Variants in TMIGD3 observed in about 807,000 individuals in gnomAD.
The protein encoded by TMIGD3 is transmembrane and immunoglobulin domain containing 3.
In TMIGD3, 21 loss-of-function variants were observed where a neutral mutation model predicts 28.1. That is an observed-to-expected ratio of 0.75 (90% CI 0.53 to 1.08). The LOEUF (loss-of-function observed/expected upper bound fraction) is 1.08, where lower values mean the gene tolerates loss of function less well. Ranked by LOEUF, TMIGD3 falls within the 50% of genes least tolerant of loss-of-function variation. TMIGD3 has a pLI of 0.00. For missense variants in TMIGD3, 416 were observed against 435.6 expected, an observed-to-expected ratio of 0.96 and a Z score of 0.40; for synonymous variants, 151 against 162.1, an observed-to-expected ratio of 0.93 and a Z score of 0.52.
chr1:111,550,238 A>G (rs1271881991), intron 1 of TMIGD3, among the ~76,000 whole-genome samples: 1 of 152,184 alleles, frequency 6.6e-6, no homozygotes, highest in Non-Finnish European at 1.5e-5. Flanking sequence ...CAGCATGGAT[A>G]AAGGATTGCC....
intron 1 of TMIGD3, among the ~76,000 whole-genome samples, chr1:111,532,580 AG>A (rs1306828368): frequency 6.6e-6 from 1 of 152,194 alleles, no homozygotes; most frequent in Non-Finnish European, 1.5e-5. Flanking sequence ...GCTTGAGGCC[AG>A]GAGTTCAAGA....
In TMIGD3 at chr1:111,543,373, G is replaced by A. The variant is rs547826678; in HGVS notation, c.107+20473C>T. The stretch of plus-strand genomic sequence containing the variant: ...TTCCAGGGAGATTCGCTGCCAAAAG[G>A]GAAAAACCATCCTGTCTGGTCTCAC... On this transcript the variant is annotated intron_variant, in intron 1 of 5. Coordinates refer to the TMIGD3 transcript ENST00000369717. Among the ~76,000 whole-genome samples the A allele has an allele frequency of 4.6e-5, 7 of 152,078 alleles. No homozygotes were observed. The East Asian group carries it at 1.4e-3, about 29-fold the overall frequency.
chr1:111,524,738 G>C (rs1656205327), intron 1 of TMIGD3, among the ~76,000 whole-genome samples: 1 of 152,110 alleles, frequency 6.6e-6, no homozygotes, highest in Non-Finnish European at 1.5e-5. Context: ...TCCTGCCTCA[G>C]CCTCTCGAGT....
intron 1 of TMIGD3, among the ~76,000 whole-genome samples, chr1:111,546,560 T>G (rs944313572): frequency 6.6e-6 from 1 of 152,198 alleles, no homozygotes; most frequent in Non-Finnish European, 1.5e-5. Flanking sequence ...CTTAGCATAA[T>G]GTCCTTAAGT....
At chr1:111,542,164 G>A (rs922081976) in intron 1 of TMIGD3, 63 of 424,042 alleles carry the variant, frequency 1.5e-4, no homozygotes, top group African/African-American at 1.2e-3. Flanking sequence ...TTGAGTAGAT[G>A]CCTTGGATAA....
At chr1:111,555,024 G>A (rs1657424288) in intron 1 of TMIGD3, among the ~76,000 whole-genome samples, 2 of 151,688 alleles carry the variant, frequency 1.3e-5, no homozygotes, top group South Asian at 2.1e-4. Flanking sequence ...ACATTTAAAA[G>A]TAAGAGAACT....
chr1:111,488,257 C>G lies in TMIGD3; in HGVS notation c.805+420G>C, dbSNP rs981782754. The stretch of plus-strand genomic sequence containing the variant: ...TTTTTTTTTGAGACTGAGTCTCACT[C>G]TATCGCCCAGGCAGGAGTGCAGTGG... On this transcript the variant is annotated intron_variant, in intron 3 of 5. Coordinates refer to ENST00000369716, the MANE Select transcript of TMIGD3 (RefSeq NM_020683.7). Among the ~76,000 whole-genome samples, 6 of 151,908 alleles carry G rather than the reference C, an allele frequency of 3.9e-5. No homozygotes were observed. The East Asian group carries it at 1.2e-3, about 29-fold the overall frequency.
intron 1 of TMIGD3, chr1:111,499,739 C>T: frequency 7.2e-7 from 1 of 1,386,086 alleles, no homozygotes. Context: ...CTCCAAAACA[C>T]TGAATTAGAG....
upstream of TMIGD3, among the ~76,000 whole-genome samples, chr1:111,506,785 G>A (rs1165897901): frequency 1.3e-5 from 2 of 151,920 alleles, no homozygotes; most frequent in Non-Finnish European, 2.9e-5. Context: ...GGACCAGAGA[G>A]ATGACTGCAT....
At chr1:111,546,160 G>A (rs1042394344) in intron 1 of TMIGD3, among the ~76,000 whole-genome samples, 23 of 152,060 alleles carry the variant, frequency 1.5e-4, no homozygotes, top group Non-Finnish European at 1.5e-4. Context: ...AAAAACCAAG[G>A]AGGCAGTTTG....
chr1:111,520,116 A>T (rs1656007387), intron 1 of TMIGD3, among the ~76,000 whole-genome samples: 1 of 152,236 alleles, frequency 6.6e-6, no homozygotes. Context: ...ATGCACAGTC[A>T]AAAACAACAA....
chr1:111,489,065 ACAC>A (rs1654530299), intron 2 of TMIGD3, 41 bp from the exon 3 acceptor site: 1 of 1,521,890 alleles, frequency 6.6e-7, no homozygotes, highest in Non-Finnish European at 9.0e-7. Flanking sequence ...GCACACACAC[ACAC>A]CATTGTTCTC....
At chr1:111,557,906 A>G (rs934925759) in intron 1 of TMIGD3, among the ~76,000 whole-genome samples, 3 of 152,242 alleles carry the variant, frequency 2.0e-5, no homozygotes, top group Non-Finnish European at 4.4e-5. Context: ...AGAGAAATGT[A>G]TCAAATAGCT....
upstream of TMIGD3, chr1:111,504,834 C>T (rs980451366): frequency 3.2e-5 from 32 of 984,654 alleles, no homozygotes; most frequent in Non-Finnish European, 3.5e-5. Flanking sequence ...ACCCTGTATC[C>T]CAAGTTGATC....
At chr1:111,498,816 T>C (rs1232002480) in intron 1 of TMIGD3, among the ~76,000 whole-genome samples, 2 of 152,186 alleles carry the variant, frequency 1.3e-5, no homozygotes, top group African/African-American at 4.8e-5. Flanking sequence ...CCAGGTGCAA[T>C]GGTTCACACC....
At chr1:111,522,219 A>C (rs74356803) in intron 1 of TMIGD3, among the ~76,000 whole-genome samples, 1 of 152,156 alleles carries the variant, frequency 6.6e-6, no homozygotes, top group Non-Finnish European at 1.5e-5. Context: ...GTTCTTTTTC[A>C]AAGTTGTTTT....
intron 3 of TMIGD3, 26 bp from the exon 4 acceptor site, chr1:111,486,678 C>G: frequency 6.2e-7 from 1 of 1,603,370 alleles, no homozygotes; most frequent in Non-Finnish European, 8.5e-7. Context: ...TTTGTTAAGT[C>G]AGGTGAGGCC....
At chr1:111,522,246 T>C (rs1400017005) in intron 1 of TMIGD3, among the ~76,000 whole-genome samples, 1 of 152,232 alleles carries the variant, frequency 6.6e-6, no homozygotes, top group Non-Finnish European at 1.5e-5. Context: ...TCTAGGTCTT[T>C]TGAATGTTCA....
At chr1:111,553,688 ATT>A (rs1657368167) in intron 1 of TMIGD3, among the ~76,000 whole-genome samples, 1 of 152,160 alleles carries the variant, frequency 6.6e-6, no homozygotes, top group Non-Finnish European at 1.5e-5. Flanking sequence ...ATAGACCAGT[ATT>A]TTCACACGTA....
Sources: gnomAD v4.1 joint callset for allele counts (sites outside exome capture counted in the v4.1 genomes callset) on GRCh38, gnomAD v4.1.1 for gene constraint, MANE v1.5 for transcripts, NCBI Gene and HGNC (gene_info 2026-07-23, HGNC 2026-07-21) for gene names.